RAB27B: variants seen among roughly 807,000 people sequenced by gnomAD.
The protein encoded by RAB27B is ras-related protein Rab-27B.
A neutral mutation model predicts 24.6 loss-of-function variants in RAB27B; 15 were observed. That is an observed-to-expected ratio of 0.61 (90% CI 0.41 to 0.94). RAB27B has a LOEUF of 0.94. Among genes scored for constraint, RAB27B ranks in the 40% least tolerant of loss-of-function variants. The pLI is 0.00. For missense variants in RAB27B, 261 were observed against 266.8 expected (o/e 0.98, Z 0.15); for synonymous variants, 105 against 92.5 (o/e 1.14, Z -0.78).
At chr18:54,775,239 G>A (rs1485894329) in intron 2 of RAB27B, among the ~76,000 whole-genome samples, 2 of 152,198 alleles carry the variant, frequency 1.3e-5, no homozygotes, top group African/African-American at 4.8e-5. Context: ...CAGAAACAAT[G>A]TCTGGCAAAT....
chr18:54,837,007 A>T (rs528660504), intron 1 of RAB27B, among the ~76,000 whole-genome samples: 4 of 131,382 alleles, frequency 3.0e-5, no homozygotes, highest in African/African-American at 9.9e-5. Flanking sequence ...TTTGCTTAAA[A>T]CATTCATTAA....
Position 54,894,760 on chromosome 18 carries a change from A to G in RAB27B, c.*5347A>G, listed in dbSNP as rs1568122093. ...TTGTAAATTATGTTCCATTTCATAAATAGACACTATTCACAAACTAAAATC... is the reference window on the plus strand; with the variant it reads ...TTGTAAATTATGTTCCATTTCATAAGTAGACACTATTCACAAACTAAAATC... On this transcript the variant is annotated 3_prime_UTR_variant, in exon 6 of 6. Coordinates refer to ENST00000262094, the MANE Select transcript of RAB27B (RefSeq NM_004163.4). 6.6e-6 allele frequency: 1 copy of G among 152,100 alleles called. No individual in the cohort carries two copies. The highest frequency in any genetic ancestry group is 1.5e-5 in the Non-Finnish European group (1 of 67,970). 9.4% of individuals were successfully genotyped at this position (152,100 alleles called of 1,614,324 possible).
rs540378596 is a variant in RAB27B at position 54,723,661 on chromosome 18, G to A, written c.-20+5520G>A. ...AGATAGATAGATAGATAGATGATAC[G>A]TAGGTAGATAGATAAACAGATAGAT... On this transcript the variant is annotated intron_variant, in intron 2 of 4. Transcript: ENST00000586570. 5.8e-4 allele frequency among the ~76,000 whole-genome samples: 89 copies of A among 152,230 alleles called. 4 individuals are homozygous for A. The South Asian group carries it at 0.017, about 29-fold the overall frequency.
chr18:54,792,772 T>C (rs1230831620), intron 2 of RAB27B, among the ~76,000 whole-genome samples: 1 of 152,254 alleles, frequency 6.6e-6, no homozygotes, highest in East Asian at 1.9e-4. Context: ...GAAGAAAATG[T>C]GTTTTACAAA....
chr18:54,885,863 A>T (rs1315001567), intron 4 of RAB27B: 1 of 155,950 alleles, frequency 6.4e-6, no homozygotes, highest in Non-Finnish European at 1.4e-5. Flanking sequence ...ACTTACAATC[A>T]TGGGGAAGGT....
rs1913506331 is a variant in RAB27B at position 54,894,828 on chromosome 18, A to AGG, written c.*5415_*5416insGG. The AGG allele has an allele frequency of 6.6e-6, 1 of 152,154 alleles. No individual in the cohort carries two copies. The highest frequency in any genetic ancestry group is 6.6e-5 in the Admixed American group (1 of 15,262). 9.4% of individuals were successfully genotyped at this position (152,154 alleles called of 1,614,324 possible). A position where few individuals can be genotyped will look rare whatever the true frequency, so the allele number is the denominator to read the frequency against. On this transcript the variant is annotated 3_prime_UTR_variant, in exon 6 of 6. Transcript: ENST00000262094. ...TGTAATTTAAACTGCTTGATATAAA[A>AGG]AGAGGTATCATAGCAGGGAAAACAC...
At chr18:54,733,657 C>CCCG (rs1555651345) in intron 2 of RAB27B, among the ~76,000 whole-genome samples, 1 of 135,874 alleles carries the variant, frequency 7.4e-6, no homozygotes, top group East Asian at 2.4e-4. Context: ...AGAGCCCCCC[C>CCCG]CCCCCAAATT....
intron 2 of RAB27B, among the ~76,000 whole-genome samples, chr18:54,820,400 T>G (rs1302340224): frequency 6.6e-6 from 1 of 152,280 alleles, no homozygotes; most frequent in Non-Finnish European, 1.5e-5. Context: ...ATGTGCCTTT[T>G]GGCTGCATAA....
chr18:54,817,320 G>T (rs11661772), intron 2 of RAB27B, among the ~76,000 whole-genome samples: 31,164 of 152,012 alleles, frequency 0.21, 3,689 homozygotes, highest in African/African-American at 0.31. Context: ...GGCAGAACTT[G>T]GAGTAAAACC....
At chr18:54,784,384 A>G (rs1185055300) in intron 2 of RAB27B, among the ~76,000 whole-genome samples, 1 of 152,134 alleles carries the variant, frequency 6.6e-6, no homozygotes, top group Admixed American at 6.5e-5. Flanking sequence ...TTGGGCTTCT[A>G]ATGATCACAC....
chr18:54,849,350 C>T (rs1833287), intron 1 of RAB27B, among the ~76,000 whole-genome samples: 560 of 152,300 alleles, frequency 3.7e-3, no homozygotes, highest in Non-Finnish European at 6.6e-3. Flanking sequence ...TTTAACAGCT[C>T]TTGAAAGATT....
At chr18:54,794,301 T>C (rs970139112) in intron 2 of RAB27B, among the ~76,000 whole-genome samples, 1 of 152,208 alleles carries the variant, frequency 6.6e-6, no homozygotes, top group African/African-American at 2.4e-5. Flanking sequence ...CTATACACTT[T>C]GAGTGCTAGG....
chr18:54,741,095 T>C (rs781754265), intron 2 of RAB27B, among the ~76,000 whole-genome samples: 5 of 152,174 alleles, frequency 3.3e-5, no homozygotes, highest in Non-Finnish European at 7.4e-5. Context: ...AGGCAAGTGG[T>C]ATCACAATAA....
At position 54,892,781 on chromosome 18, in the gene RAB27B, A is replaced by T. The variant is rs747713680; in HGVS notation, c.*3368A>T. 1.3e-5 allele frequency: 2 copies of T among 152,052 alleles called. No individual in the cohort carries two copies. Among genetic ancestry groups the T allele is most frequent in the South Asian group, 4.1e-4 (2 of 4,830 alleles). The allele number at this position is 152,052 out of a possible 1,614,324, so 9.4% of individuals were successfully genotyped here. ...ATTCAAAACTAGCTATTTCTAAAGT[A>T]AACATTTTATCTGTTACTTTTAACC... On this transcript the variant is annotated 3_prime_UTR_variant, in exon 6 of 6. Coordinates refer to ENST00000262094, the MANE Select transcript of RAB27B (RefSeq NM_004163.4).
At chr18:54,811,682 G>C (rs115996415) in intron 2 of RAB27B, among the ~76,000 whole-genome samples, 1 of 152,164 alleles carries the variant, frequency 6.6e-6, no homozygotes, top group Non-Finnish European at 1.5e-5. Flanking sequence ...ATCGATTTAC[G>C]TTGCCAGGGT....
intron 1 of RAB27B, among the ~76,000 whole-genome samples, chr18:54,874,198 T>C (rs1912597673): frequency 6.6e-6 from 1 of 152,220 alleles, no homozygotes; most frequent in Non-Finnish European, 1.5e-5. Flanking sequence ...GCTATGGTCC[T>C]GTATCTCCTC....
chr18:54,886,884 G>T (rs1017901892), intron 4 of RAB27B, among the ~76,000 whole-genome samples: 1 of 152,030 alleles, frequency 6.6e-6, no homozygotes, highest in Non-Finnish European at 1.5e-5. Context: ...CACACAGCAT[G>T]CCTTATGATA....
intron 2 of RAB27B, among the ~76,000 whole-genome samples, chr18:54,878,753 A>AT (rs1555668164): frequency 0.45 from 37,709 of 83,814 alleles, 4,761 homozygotes; most frequent in South Asian, 0.59. Flanking sequence ...AAAGGCCAGA[A>AT]TTTTTTTAAA....
At chr18:54,823,307 T>C (rs1910368289) in intron 2 of RAB27B, among the ~76,000 whole-genome samples, 1 of 152,228 alleles carries the variant, frequency 6.6e-6, no homozygotes, top group African/African-American at 2.4e-5. Context: ...CTTCTTCACA[T>C]GAACAGAAAA....
Sources: gnomAD v4.1 joint callset for allele counts (sites outside exome capture counted in the v4.1 genomes callset) on GRCh38, gnomAD v4.1.1 for gene constraint, MANE v1.5 for transcripts, NCBI Gene and HGNC (gene_info 2026-07-23, HGNC 2026-07-21) for gene names.